Variants in RGS6 observed in about 807,000 individuals in gnomAD.
The protein encoded by RGS6 is regulator of G protein signaling 6.
A neutral mutation model predicts 78.5 loss-of-function variants in RGS6; 30 were observed. The observed-to-expected ratio is 0.38, with a 90% confidence interval of 0.29 to 0.52. The LOEUF (loss-of-function observed/expected upper bound fraction) is 0.52, where lower values mean the gene tolerates loss of function less well. RGS6 is among the 20% of genes least tolerant of loss of function. The pLI, the probability that RGS6 is intolerant of heterozygous loss-of-function variation, is 0.85. For missense variants in RGS6, 495 were observed against 609.7 expected (o/e 0.81, Z 1.98); for synonymous variants, 206 against 206.0 (o/e 1.00, Z 0.00).
At chr14:71,899,212 A>AAAAT in the RGS6 span, among the ~76,000 whole-genome samples, 1 of 152,240 alleles carries the variant, frequency 6.6e-6, no homozygotes, top group African/African-American at 2.4e-5. Context: ...AATCAACACC[A>AAAAT]AAATATAAAA....
intron 14 of RGS6, among the ~76,000 whole-genome samples, chr14:72,511,005 TGAAAG>T (rs1452239539): frequency 2.0e-5 from 3 of 152,158 alleles, no homozygotes; most frequent in Non-Finnish European, 4.4e-5. Flanking sequence ...GGGGGTGAAT[TGAAAG>T]GAAAAGTCTC....
intron 6 of RGS6, among the ~76,000 whole-genome samples, chr14:72,461,807 C>T (rs767545037): frequency 2.2e-4 from 34 of 152,148 alleles, no homozygotes; most frequent in Non-Finnish European, 1.0e-4. Flanking sequence ...CAACCCGTTC[C>T]ACTAGCTGGG....
intron 2 of RGS6, among the ~76,000 whole-genome samples, chr14:72,233,031 T>G (rs181317986): frequency 9.9e-5 from 15 of 152,278 alleles, no homozygotes; most frequent in African/African-American, 3.6e-4. Flanking sequence ...CTCAGGATGC[T>G]TAACTCCTGA....
chr14:72,383,728 G>A (rs755530692), intron 3 of RGS6, among the ~76,000 whole-genome samples: 1 of 151,948 alleles, frequency 6.6e-6, no homozygotes, highest in Non-Finnish European at 1.5e-5. Flanking sequence ...TCAAGAATGG[G>A]CATTTATCCT....
rs551589960 is a variant in RGS6, at chr14:72,316,483, G to A, written c.85-35612G>A. On this transcript the variant is annotated intron_variant, in intron 2 of 17. Coordinates refer to ENST00000553525, the MANE Select transcript of RGS6 (RefSeq NM_001204424.2). ...GTCCCACCTATGAGTGAGAACATGC[G>A]GTGTTTGGTTTTCTGTCCTTGTGAT... Among the ~76,000 whole-genome samples, 50 of 152,222 alleles carry A rather than the reference G, an allele frequency of 3.3e-4. No homozygotes were observed. In the East Asian group the frequency reaches 6.4e-3, roughly 19 times the overall value.
At chr14:72,100,194 C>T (rs184152151) in intron 2 of RGS6, among the ~76,000 whole-genome samples, 94 of 152,114 alleles carry the variant, frequency 6.2e-4, no homozygotes, top group Admixed American at 1.4e-3. Context: ...ACAGTTTGGA[C>T]GGCAGCATGG....
At chr14:72,349,576 C>T (rs955273642) in intron 2 of RGS6, among the ~76,000 whole-genome samples, 22 of 152,200 alleles carry the variant, frequency 1.4e-4, no homozygotes, top group African/African-American at 5.3e-4. Flanking sequence ...CAGACTGTTG[C>T]TGGAGTGTAG....
intron 2 of RGS6, among the ~76,000 whole-genome samples, chr14:72,126,526 T>C (rs1277145585): frequency 3.9e-5 from 6 of 152,274 alleles, no homozygotes; most frequent in African/African-American, 1.4e-4. Flanking sequence ...GTGGTGGTGC[T>C]CATTTTCCAT....
chr14:72,258,162 T>C (rs1480234282), intron 2 of RGS6, among the ~76,000 whole-genome samples: 1 of 152,190 alleles, frequency 6.6e-6, no homozygotes, highest in East Asian at 1.9e-4. Flanking sequence ...CTCATAAAAC[T>C]GCACAATGGC....
chr14:71,902,492 A>G, the RGS6 span, among the ~76,000 whole-genome samples: 1 of 152,180 alleles, frequency 6.6e-6, no homozygotes, highest in Admixed American at 6.5e-5. Context: ...TCATCAGTAC[A>G]GGTTTAAAAA....
intron 12 of RGS6, among the ~76,000 whole-genome samples, chr14:72,486,699 T>C (rs540266762): frequency 6.6e-6 from 1 of 152,326 alleles, no homozygotes; most frequent in East Asian, 1.9e-4. Context: ...CTTTTAACTC[T>C]CTGCATTAAG....
intron 15 of RGS6, among the ~76,000 whole-genome samples, chr14:72,528,376 C>A (rs909063935): frequency 8.5e-5 from 13 of 152,118 alleles, no homozygotes; most frequent in Admixed American, 7.9e-4. Flanking sequence ...TGGAGTGGCT[C>A]ATCGGGGTAA....
At chr14:72,066,161 C>T (rs2094137032) in intron 2 of RGS6, among the ~76,000 whole-genome samples, 1 of 152,236 alleles carries the variant, frequency 6.6e-6, no homozygotes, top group Admixed American at 6.5e-5. Context: ...GCAATTGTAG[C>T]AATGCCTGAT....
Position 72,361,102 on chromosome 14 carries a change from T to C in RGS6, c.184+8908T>C, listed in dbSNP as rs113854242. Among the ~76,000 whole-genome samples, 965 of 134,442 alleles carry C rather than the reference T, an allele frequency of 7.2e-3. 8 individuals carry two copies. The highest frequency in any genetic ancestry group is 0.028 in the African/African-American group (925 of 33,322). The allele number at this position is 134,442 out of a possible 152,430, so 88.2% of individuals were successfully genotyped here. Reference sequence around the variant, plus strand: ...AAACCTCTTTTTTTTTTTTTTTTTTTCATAAATTACCCAGTCTTGGGTATA... The same window carrying C: ...AAACCTCTTTTTTTTTTTTTTTTTTCCATAAATTACCCAGTCTTGGGTATA... On this transcript the variant is annotated intron_variant, in intron 3 of 17. Coordinates refer to ENST00000553525, the MANE Select transcript of RGS6 (RefSeq NM_001204424.2).
intron 2 of RGS6, among the ~76,000 whole-genome samples, chr14:72,171,267 G>A (rs927876648): frequency 6.6e-6 from 1 of 151,986 alleles, no homozygotes; most frequent in African/African-American, 2.4e-5. Context: ...ATGGACCTGT[G>A]CATGAACACA....
intron 2 of RGS6, among the ~76,000 whole-genome samples, chr14:71,985,764 T>C (rs567186835): frequency 6.6e-6 from 1 of 152,198 alleles, no homozygotes; most frequent in Non-Finnish European, 1.5e-5. Context: ...CTGAGAGCTT[T>C]GTTGATGCCT....
At chr14:72,173,257 G>A (rs1227058686) in intron 2 of RGS6, among the ~76,000 whole-genome samples, 1 of 152,052 alleles carries the variant, frequency 6.6e-6, no homozygotes, top group Non-Finnish European at 1.5e-5. Context: ...GCAGTGTACA[G>A]GGCAGCTGCC....
intron 1 of RGS6, among the ~76,000 whole-genome samples, chr14:71,946,176 G>A (rs964575115): frequency 3.3e-5 from 5 of 152,106 alleles, no homozygotes; most frequent in Non-Finnish European, 5.9e-5. Flanking sequence ...GTAGTTTAGG[G>A]CTTGGCTGTT....
At chr14:72,583,718 G>C in the RGS6 span, among the ~76,000 whole-genome samples, 99,833 of 152,094 alleles carry the variant, frequency 0.66, 34,524 homozygotes, top group East Asian at 0.82. Context: ...GGCCTCACGG[G>C]GTCTCTTTTA....
Sources: allele counts gnomAD v4.1 joint callset (sites outside exome capture counted in the v4.1 genomes callset), GRCh38; gene constraint gnomAD v4.1.1; transcripts MANE v1.5; gene names NCBI Gene and HGNC (gene_info 2026-07-23, HGNC 2026-07-21).